USH2A: variants seen among roughly 807,000 people sequenced by gnomAD.
The protein encoded by USH2A is Usher syndrome 2A (autosomal recessive, mild).
A neutral mutation model predicts 538.9 loss-of-function variants in USH2A; 443 were observed. That is an observed-to-expected ratio of 0.82 (90% CI 0.76 to 0.89). The LOEUF (loss-of-function observed/expected upper bound fraction) is 0.89. Ranked by LOEUF, USH2A falls within the 40% of genes least tolerant of loss-of-function variation. The pLI, the probability that USH2A is intolerant of heterozygous loss-of-function variation, is 0.00. For missense variants in USH2A, 6,633 were observed against 6,324.8 expected (o/e 1.05, Z -1.65); for synonymous variants, 2,413 against 2,273.5 (o/e 1.06, Z -1.75).
intron 71 of USH2A, among the ~76,000 whole-genome samples, chr1:215,628,263 A>G (rs1571914242): frequency 6.6e-6 from 1 of 152,156 alleles, no homozygotes; most frequent in African/African-American, 2.4e-5. Flanking sequence ...CTCCAAGTAT[A>G]TGAAGTATAA....
chr1:216,383,004 A>C (rs759508824), intron 3 of USH2A, among the ~76,000 whole-genome samples: 4 of 152,190 alleles, frequency 2.6e-5, no homozygotes, highest in Non-Finnish European at 5.9e-5. Flanking sequence ...AAAGCTTACC[A>C]TATTCTCAAG....
intron 61 of USH2A, among the ~76,000 whole-genome samples, chr1:215,722,964 C>T (rs182882778): frequency 3.9e-5 from 6 of 152,284 alleles, no homozygotes; most frequent in African/African-American, 1.4e-4. Flanking sequence ...GTAGCAATAT[C>T]GCCAACCTTG....
chr1:215,895,261 C>G (rs1273147664), intron 40 of USH2A, among the ~76,000 whole-genome samples: 2 of 152,170 alleles, frequency 1.3e-5, no homozygotes, highest in African/African-American at 4.8e-5. Context: ...TTTTGGGGCA[C>G]CTACTCTATA....
In USH2A at chr1:215,690,921, G is replaced by T. The variant is rs1009915833; in HGVS notation, c.12067-10545C>A. 2.6e-5 allele frequency among the ~76,000 whole-genome samples: 4 copies of T among 151,862 alleles called. No individual in the cohort carries two copies. In the South Asian group the frequency reaches 6.2e-4, roughly 24 times the overall value. On this transcript the variant is annotated intron_variant, in intron 61 of 71. Coordinates refer to ENST00000307340, the MANE Select transcript of USH2A (RefSeq NM_206933.4). ...TTTCTCTTTTTTTAGATGGAATCTC[G>T]CTCTGTCACTGAGGCTGGAGTGCAG...
intron 49 of USH2A, among the ~76,000 whole-genome samples, chr1:215,807,632 T>A (rs1007292234): frequency 2.0e-5 from 3 of 150,542 alleles, no homozygotes; most frequent in Non-Finnish European, 4.4e-5. Context: ...TGACTTTCCC[T>A]GGCTAGTTGC....
chr1:216,282,684 A>T (rs1229257399), intron 11 of USH2A, among the ~76,000 whole-genome samples: 1 of 152,166 alleles, frequency 6.6e-6, no homozygotes, highest in East Asian at 1.9e-4. Context: ...TTATAAGGTT[A>T]TCTTGGACAT....
At chr1:216,357,012 A>G (rs1049356426) in intron 4 of USH2A, among the ~76,000 whole-genome samples, 4 of 152,038 alleles carry the variant, frequency 2.6e-5, no homozygotes, top group Non-Finnish European at 4.4e-5. Context: ...ATGTTTCAAT[A>G]TTTTCCTTTA....
At chr1:216,002,434 C>T (rs937331524) in intron 32 of USH2A, among the ~76,000 whole-genome samples, 1 of 152,046 alleles carries the variant, frequency 6.6e-6, no homozygotes, top group Non-Finnish European at 1.5e-5. Context: ...ACTCTAAGTC[C>T]CGTTGCAGGA....
intron 21 of USH2A, among the ~76,000 whole-genome samples, chr1:216,108,056 G>C (rs1441695838): frequency 1.3e-5 from 2 of 151,408 alleles, no homozygotes; most frequent in African/African-American, 4.8e-5. Context: ...AATATTTTCT[G>C]TTTATTCACA....
intron 21 of USH2A, among the ~76,000 whole-genome samples, chr1:216,152,222 C>A (rs1479658053): frequency 1.3e-5 from 2 of 152,274 alleles, no homozygotes; most frequent in South Asian, 2.1e-4. Context: ...GGCCTCTGAG[C>A]CCAAGCCAAG....
chr1:216,124,315 G>A (rs1243605964), intron 21 of USH2A, among the ~76,000 whole-genome samples: 2 of 151,984 alleles, frequency 1.3e-5, no homozygotes, highest in Non-Finnish European at 2.9e-5. Flanking sequence ...CTCTCAGGCA[G>A]TATCAAAGCT....
At chr1:216,289,723 C>T (rs2036964706) in intron 10 of USH2A, among the ~76,000 whole-genome samples, 1 of 152,050 alleles carries the variant, frequency 6.6e-6, no homozygotes, top group Non-Finnish European at 1.5e-5. Context: ...TATCTGGGGC[C>T]AGGCACTTTA....
chr1:216,083,252 C>T (rs1371314258), intron 26 of USH2A: 1 of 484,198 alleles, frequency 2.1e-6, no homozygotes, highest in South Asian at 3.0e-5. Context: ...ATAATTGTTA[C>T]AATTGTCATC....
chr1:215,953,473 C>T (rs1469090615), intron 37 of USH2A, among the ~76,000 whole-genome samples: 1 of 152,138 alleles, frequency 6.6e-6, no homozygotes, highest in Non-Finnish European at 1.5e-5. Flanking sequence ...AAAGGATTCC[C>T]TATTTAATAA....
At chr1:215,953,229 G>A (rs1303913413) in intron 37 of USH2A, among the ~76,000 whole-genome samples, 1 of 152,054 alleles carries the variant, frequency 6.6e-6, no homozygotes. Flanking sequence ...AAGTTCATAT[G>A]GAACCAAAAA....
chr1:215,955,400 G>A (rs1422499370), intron 37 of USH2A, among the ~76,000 whole-genome samples: 1 of 152,142 alleles, frequency 6.6e-6, no homozygotes, highest in Non-Finnish European at 1.5e-5. Flanking sequence ...ACTCTGGATA[G>A]AGAAAATTTC....
intron 32 of USH2A, among the ~76,000 whole-genome samples, chr1:216,026,841 C>A (rs892411222): frequency 2.0e-5 from 3 of 152,100 alleles, no homozygotes; most frequent in Non-Finnish European, 2.9e-5. Context: ...TCTACAAGCA[C>A]CAGGTCAATT....
intron 51 of USH2A, among the ~76,000 whole-genome samples, chr1:215,789,670 G>A (rs187926584): frequency 6.6e-6 from 1 of 152,122 alleles, no homozygotes; most frequent in African/African-American, 2.4e-5. Flanking sequence ...AAAGGAAAGT[G>A]GTGGATGATG....
chr1:215,673,114 A>G (rs757560568), intron 63 of USH2A, among the ~76,000 whole-genome samples: 8 of 152,212 alleles, frequency 5.3e-5, no homozygotes, highest in Non-Finnish European at 1.2e-4. Context: ...CTCACATAGC[A>G]TGTGGATTAG....
Sources: gnomAD v4.1 joint callset for allele counts (sites outside exome capture counted in the v4.1 genomes callset) on GRCh38, gnomAD v4.1.1 for gene constraint, MANE v1.5 for transcripts, NCBI Gene and HGNC (gene_info 2026-07-23, HGNC 2026-07-21) for gene names.